The following SV2C variants were observed in gnomAD, a reference collection of about 807,000 sequenced individuals.
SV2C encodes the protein solute carrier family 22 member B3.
Under a neutral mutation model 79.7 loss-of-function variants are expected in SV2C, and 49 were observed. The ratio of observed to expected loss-of-function variants is 0.61; its 90% CI spans 0.49 to 0.78. The LOEUF (loss-of-function observed/expected upper bound fraction) is 0.78. SV2C is among the 30% of genes least tolerant of loss of function. The pLI, the probability that SV2C is intolerant of heterozygous loss-of-function variation, is 0.00. For missense variants in SV2C, 833 were observed against 912.9 expected (o/e 0.91, Z 1.13); for synonymous variants, 334 against 333.2 (o/e 1.00, Z -0.03).
intron 12 of SV2C, among the ~76,000 whole-genome samples, chr5:76,315,684 G>A (rs896112530): frequency 1.3e-5 from 2 of 152,158 alleles, no homozygotes; most frequent in African/African-American, 4.8e-5. Context: ...GGAAGAGAAG[G>A]AAACAATTCA....
the SV2C span, among the ~76,000 whole-genome samples, chr5:75,917,727 G>C: frequency 1.3e-5 from 2 of 152,136 alleles, no homozygotes; most frequent in African/African-American, 4.8e-5. Context: ...CAAAAAAATA[G>C]AAAGAATGGA....
In SV2C at chr5:76,328,392, CATT is replaced by C. The variant is rs1749070973; in HGVS notation, c.*2851_*2853del. 1 of 152,198 alleles carries C rather than the reference CATT, an allele frequency of 6.6e-6. No individual in the cohort carries two copies. 9.4% of individuals were successfully genotyped at this position (152,198 alleles called of 1,614,324 possible). A position where few individuals can be genotyped will look rare whatever the true frequency, so the allele number is the denominator to read the frequency against. On this transcript the variant is annotated 3_prime_UTR_variant, in exon 13 of 13. Coordinates refer to ENST00000502798, the MANE Select transcript of SV2C (RefSeq NM_014979.4). Reference sequence around the variant, plus strand: ...ATCAATCCAGAATGCTCCCAAGTCCCATTATTATCACAGAATCTTCTCAGTAGG... The same window carrying C: ...ATCAATCCAGAATGCTCCCAAGTCCCATTATCACAGAATCTTCTCAGTAGG...
chr5:76,034,061 G>A, the SV2C span, among the ~76,000 whole-genome samples: 16 of 151,950 alleles, frequency 1.1e-4, no homozygotes, highest in Non-Finnish European at 2.2e-4. Flanking sequence ...TCTGTTTTTG[G>A]AGTATAAGAA....
the SV2C span, among the ~76,000 whole-genome samples, chr5:76,052,119 T>C: frequency 1.6e-4 from 24 of 152,314 alleles, no homozygotes; most frequent in South Asian, 5.0e-3. Flanking sequence ...GGGAGCTATA[T>C]TAAAAACTGA....
chr5:76,023,016 CT>C, the SV2C span, among the ~76,000 whole-genome samples: 357 of 152,330 alleles, frequency 2.3e-3, 4 homozygotes, highest in African/African-American at 6.3e-3. Flanking sequence ...GTTTCTGCCC[CT>C]GTAGATGTAT....
chr5:76,220,387 G>C lies in SV2C; in HGVS notation c.913+10500G>C, dbSNP rs115351742. Among the ~76,000 whole-genome samples, 1,119 of 152,098 alleles carry C rather than the reference G, an allele frequency of 7.4e-3. 16 individuals are homozygous for C. Among genetic ancestry groups the C allele is most frequent in the African/African-American group, 0.026 (1,066 of 41,508 alleles). Reference sequence around the variant, plus strand: ...TTCACTTTAGTTAAAAATTAGAATTGACAGCCGGGTGCAGTGGCTCATGCC... The same window carrying C: ...TTCACTTTAGTTAAAAATTAGAATTCACAGCCGGGTGCAGTGGCTCATGCC... On this transcript the variant is annotated intron_variant, in intron 4 of 12. Coordinates refer to ENST00000502798, the MANE Select transcript of SV2C (RefSeq NM_014979.4).
rs1192956773 is a variant in SV2C at position 76,245,268 on chromosome 5, A to ATGAC, written c.913+35384_913+35385insCTGA. ...TTTGTAGGAATGAATGAATGAATGAATGAAATGGCCAAGACTTGGAGGAAG... is the reference window on the plus strand; with the variant it reads ...TTTGTAGGAATGAATGAATGAATGAATGACTGAAATGGCCAAGACTTGGAGGAAG... On this transcript the variant is annotated intron_variant, in intron 4 of 12. Coordinates refer to ENST00000502798, the MANE Select transcript of SV2C (RefSeq NM_014979.4). 4.6e-5 allele frequency among the ~76,000 whole-genome samples: 7 copies of ATGAC among 152,318 alleles called. No individual in the cohort carries two copies. In the East Asian group the frequency reaches 1.3e-3, roughly 29 times the overall value.
the SV2C span, among the ~76,000 whole-genome samples, chr5:75,892,476 T>C: frequency 6.6e-6 from 1 of 152,040 alleles, no homozygotes; most frequent in Admixed American, 6.6e-5. Flanking sequence ...TGTACAGGTT[T>C]GTTACATGGG....
At chr5:75,930,494 C>G in the SV2C span, among the ~76,000 whole-genome samples, 1 of 152,206 alleles carries the variant, frequency 6.6e-6, no homozygotes, top group East Asian at 1.9e-4. Flanking sequence ...CATGTTATTT[C>G]TTTCCTGGGT....
chr5:76,235,737 G>A (rs1026358669), intron 4 of SV2C, among the ~76,000 whole-genome samples: 13 of 151,976 alleles, frequency 8.6e-5, no homozygotes, highest in African/African-American at 3.1e-4. Flanking sequence ...CTCATTTTCA[G>A]ATCTAGAGAA....
intron 12 of SV2C, among the ~76,000 whole-genome samples, chr5:76,351,718 T>C (rs1048993612): frequency 3.3e-5 from 5 of 152,176 alleles, no homozygotes; most frequent in Non-Finnish European, 7.4e-5. Flanking sequence ...ATCTGTTCTA[T>C]AGTGCTGATA....
At chr5:76,190,803 A>G (rs1190813917) in intron 2 of SV2C, among the ~76,000 whole-genome samples, 1 of 152,210 alleles carries the variant, frequency 6.6e-6, no homozygotes, top group African/African-American at 2.4e-5. Flanking sequence ...TATTTGAGTA[A>G]CAAAGCTTTA....
intron 12 of SV2C, among the ~76,000 whole-genome samples, chr5:76,308,582 G>T (rs1682946799): frequency 6.6e-6 from 1 of 152,160 alleles, no homozygotes; most frequent in African/African-American, 2.4e-5. Context: ...CGTTTTCCTG[G>T]TCCTTGGGCT....
At chr5:76,069,847 T>TACACACACACAAACACAC in the SV2C span, among the ~76,000 whole-genome samples, 1 of 134,080 alleles carries the variant, frequency 7.5e-6, no homozygotes, top group African/African-American at 2.6e-5. Context: ...CACACACACA[T>TACACACACACAAACACAC]ACACACACAC....
chr5:76,349,214 TA>T (rs1749600681), intron 12 of SV2C, among the ~76,000 whole-genome samples: 2 of 151,684 alleles, frequency 1.3e-5, no homozygotes, highest in South Asian at 4.2e-4. Context: ...AAGCCCTCAA[TA>T]AATTTCAGTA....
At chr5:76,189,720 T>C (rs1744037486) in intron 2 of SV2C, among the ~76,000 whole-genome samples, 2 of 152,168 alleles carry the variant, frequency 1.3e-5, no homozygotes, top group South Asian at 4.1e-4. Flanking sequence ...GCAGCTTTGA[T>C]TTTTAGTCTT....
the SV2C span, among the ~76,000 whole-genome samples, chr5:75,921,962 A>G: frequency 7.2e-5 from 11 of 152,190 alleles, no homozygotes; most frequent in African/African-American, 2.7e-4. Flanking sequence ...ATACAAACAC[A>G]AATGCACCCA....
chr5:76,097,330 A>G (rs1747599240), intron 1 of SV2C, among the ~76,000 whole-genome samples: 1 of 152,174 alleles, frequency 6.6e-6, no homozygotes, highest in Non-Finnish European at 1.5e-5. Context: ...TCAAGGGAAG[A>G]CTATATTTTG....
chr5:75,991,590 C>CAT, the SV2C span, among the ~76,000 whole-genome samples: 2,913 of 144,310 alleles, frequency 0.02, 101 homozygotes, highest in African/African-American at 0.068. Context: ...TATATACACA[C>CAT]ATATATATAT....
Sources: gnomAD v4.1 joint callset for allele counts (sites outside exome capture counted in the v4.1 genomes callset) on GRCh38, gnomAD v4.1.1 for gene constraint, MANE v1.5 for transcripts, NCBI Gene and HGNC (gene_info 2026-07-23, HGNC 2026-07-21) for gene names.